Variants in LMNTD1 observed in about 807,000 individuals in gnomAD.
The protein encoded by LMNTD1 is lamin tail domain-containing protein 1.
A neutral mutation model predicts 50.9 loss-of-function variants in LMNTD1; 35 were observed. That is an observed-to-expected ratio of 0.69 (90% CI 0.53 to 0.91). The LOEUF (loss-of-function observed/expected upper bound fraction) is 0.91. Ranked by LOEUF, LMNTD1 falls within the 40% of genes least tolerant of loss-of-function variation. The pLI is 0.00. For synonymous variants in LMNTD1, 153 were observed against 161.9 expected (o/e 0.94, Z 0.42); for missense variants, 470 against 475.5 (o/e 0.99, Z 0.11).
At chr12:25,478,932 C>T (rs150293368) in intron 9 of LMNTD1, among the ~76,000 whole-genome samples, 2,710 of 151,760 alleles carry the variant, frequency 0.018, 89 homozygotes, top group African/African-American at 0.062. Context: ...AGGGTCTGGG[C>T]CATTTGTAGT....
intron 4 of LMNTD1, among the ~76,000 whole-genome samples, chr12:25,544,968 G>T (rs1303183415): frequency 6.6e-6 from 1 of 151,772 alleles, no homozygotes; most frequent in Admixed American, 6.6e-5. Context: ...GTTTTTGATA[G>T]ATTTGTCTTT....
chr12:25,631,234 A>AT (rs1391752143), intron 1 of LMNTD1, among the ~76,000 whole-genome samples: 1 of 152,140 alleles, frequency 6.6e-6, no homozygotes, highest in Non-Finnish European at 1.5e-5. Flanking sequence ...GACCAAGGGC[A>AT]TATAATCTTG....
At chr12:25,542,315 C>T (rs1425762806) in intron 4 of LMNTD1, among the ~76,000 whole-genome samples, 2 of 151,408 alleles carry the variant, frequency 1.3e-5, no homozygotes, top group African/African-American at 2.4e-5. Context: ...AGACTTGGAA[C>T]CAACCCAAAT....
chr12:25,642,382 C>A (rs1264569376), intron 1 of LMNTD1, among the ~76,000 whole-genome samples: 1 of 152,130 alleles, frequency 6.6e-6, no homozygotes, highest in East Asian at 1.9e-4. Context: ...GGCTCTCTCT[C>A]TGTTGTGTGA....
chr12:25,574,341 T>G (rs1464997126), intron 1 of LMNTD1, among the ~76,000 whole-genome samples: 1 of 152,188 alleles, frequency 6.6e-6, no homozygotes, highest in Non-Finnish European at 1.5e-5. Flanking sequence ...TCTTTGCCAG[T>G]GACCCTTGCC....
chr12:25,529,950 C>T (rs1277506472), intron 4 of LMNTD1, among the ~76,000 whole-genome samples: 1 of 152,132 alleles, frequency 6.6e-6, no homozygotes, highest in Admixed American at 6.6e-5. Context: ...GCAGGCTTCA[C>T]TCACCATGCA....
At chr12:25,495,901 A>G (rs562628930) in intron 9 of LMNTD1, among the ~76,000 whole-genome samples, 1 of 152,302 alleles carries the variant, frequency 6.6e-6, no homozygotes, top group African/African-American at 2.4e-5. Flanking sequence ...AGCACACTTC[A>G]CAAAATAAAT....
intron 1 of LMNTD1, among the ~76,000 whole-genome samples, chr12:25,642,710 C>A (rs1946980790): frequency 1.3e-5 from 2 of 152,218 alleles, no homozygotes; most frequent in Admixed American, 1.3e-4. Context: ...CTTTTAATCT[C>A]TTTTAATCTT....
chr12:25,553,457 C>A (rs947643925), upstream of LMNTD1, among the ~76,000 whole-genome samples: 2 of 152,124 alleles, frequency 1.3e-5, no homozygotes, highest in African/African-American at 4.8e-5. Flanking sequence ...CTAGACTTTG[C>A]CACCAAAATT....
Position 25,519,747 on chromosome 12 carries a change from A to G in LMNTD1, c.1016+111T>C, listed in dbSNP as rs552216142. On this transcript the variant is annotated intron_variant, in intron 7 of 9. Coordinates refer to ENST00000458174, the MANE Select transcript of LMNTD1 (RefSeq NM_001145728.2). ...AAAATAGTAGTTTCCAAAAATCACT[A>G]TTGATTTAATTTATACATCACACAT... is the stretch of plus-strand genomic sequence containing the variant. The G allele has an allele frequency of 4.8e-5, 34 of 711,656 alleles. No homozygotes were observed. The African/African-American group carries it at 6.1e-4, about 13-fold the overall frequency. 44.1% of individuals were successfully genotyped at this position (711,656 alleles called of 1,614,324 possible). A position where few individuals can be genotyped will look rare whatever the true frequency, so the allele number is the denominator to read the frequency against.
At chr12:25,573,498 C>T (rs187949340) in intron 1 of LMNTD1, among the ~76,000 whole-genome samples, 41 of 152,234 alleles carry the variant, frequency 2.7e-4, no homozygotes, top group Admixed American at 7.8e-4. Context: ...CACTCTAAAA[C>T]GGACAGAGCC....
intron 9 of LMNTD1, among the ~76,000 whole-genome samples, chr12:25,492,098 G>C (rs1476812470): frequency 6.6e-6 from 1 of 152,184 alleles, no homozygotes; most frequent in East Asian, 1.9e-4. Flanking sequence ...ACAGTAATGT[G>C]AACTAAATGG....
intron 4 of LMNTD1, among the ~76,000 whole-genome samples, chr12:25,527,681 T>TATAC (rs1463259109): frequency 3.7e-3 from 120 of 32,152 alleles, no homozygotes; most frequent in African/African-American, 0.013. Context: ...TATATATATA[T>TATAC]ACACACACAC....
chr12:25,542,299 T>C (rs1943134757), intron 4 of LMNTD1, among the ~76,000 whole-genome samples: 1 of 151,602 alleles, frequency 6.6e-6, no homozygotes, highest in Non-Finnish European at 1.5e-5. Context: ...TTATTCACAA[T>C]AGCAAAGACT....
intron 1 of LMNTD1, among the ~76,000 whole-genome samples, chr12:25,594,930 A>G (rs981277239): frequency 1.4e-4 from 21 of 152,300 alleles, no homozygotes; most frequent in African/African-American, 4.1e-4. Context: ...CAGGTGTACT[A>G]TTCTTATATC....
intron 8 of LMNTD1, among the ~76,000 whole-genome samples, chr12:25,513,705 A>G (rs1940505648): frequency 6.6e-6 from 1 of 152,218 alleles, no homozygotes; most frequent in African/African-American, 2.4e-5. Context: ...TAAAAAGTTC[A>G]GAAAATTTGT....
At chr12:25,619,516 C>T (rs889425357) in intron 1 of LMNTD1, among the ~76,000 whole-genome samples, 1 of 152,080 alleles carries the variant, frequency 6.6e-6, no homozygotes, top group Non-Finnish European at 1.5e-5. Flanking sequence ...TTGAGAGAGG[C>T]CTGGGCCCTC....
chr12:25,629,394 T>G lies in LMNTD1; in HGVS notation c.58+19100A>C, dbSNP rs1046573212. ...GCCCCTAACTCGTAAAGTGGAAGTT[T>G]TACCTCAGGCTTGATAAGTCAAGAC... On this transcript the variant is annotated intron_variant, in intron 1 of 7. Transcript: ENST00000445693. 2.6e-5 allele frequency among the ~76,000 whole-genome samples: 4 copies of G among 152,200 alleles called. No individual in the cohort carries two copies. The East Asian group carries it at 7.7e-4, about 29-fold the overall frequency.
At chr12:25,525,453 A>G (rs1201894025) in intron 6 of LMNTD1, among the ~76,000 whole-genome samples, 3 of 152,282 alleles carry the variant, frequency 2.0e-5, no homozygotes, top group Admixed American at 6.5e-5. Context: ...GAAATGAAAA[A>G]ATAAATGGAA....
Sources: allele counts gnomAD v4.1 joint callset (sites outside exome capture counted in the v4.1 genomes callset), GRCh38; gene constraint gnomAD v4.1.1; transcripts MANE v1.5; gene names NCBI Gene and HGNC (gene_info 2026-07-23, HGNC 2026-07-21).